COL14A1: variants seen among roughly 807,000 people sequenced by gnomAD.
COL14A1 encodes the protein collagen alpha-1(XIV) chain.
Under a neutral mutation model 230.3 loss-of-function variants are expected in COL14A1, and 136 were observed. The observed-to-expected ratio is 0.59, with a 90% CI of 0.51 to 0.68. The LOEUF (loss-of-function observed/expected upper bound fraction) is 0.68. Among genes scored for constraint, COL14A1 ranks in the 30% least tolerant of loss-of-function variants. The probability of loss-of-function intolerance (pLI) is 0.00; values close to 1 mark genes in which losing one functional copy is unlikely to be tolerated. For missense variants in COL14A1, 1,976 were observed against 2,215.8 expected (o/e 0.89, Z 2.17); for synonymous variants, 792 against 784.1 (o/e 1.01, Z -0.17).
At position 120,162,535 on chromosome 8, in the gene COL14A1, T is replaced by C. The variant is rs771850035; in HGVS notation, c.315T>C (p.Asp105=). ...YTVQIIAYNK[D]KESKPAQGQF... is the part of the protein sequence containing the mutation. ...TTCAAATTATTGCATACAATAAAGATAAAGAAAGCAAGCCAGCTCAAGGCC... is the reference window on the plus strand; with the variant it reads ...TTCAAATTATTGCATACAATAAAGACAAAGAAAGCAAGCCAGCTCAAGGCC... Residue 105 remains aspartate, a synonymous_variant, in exon 4 of 48, where the codon GAT becomes GAC. Transcript: ENST00000297848. 1.2e-6 allele frequency: 2 copies of C among 1,608,690 alleles called. No homozygotes were observed. Among genetic ancestry groups the C allele is most frequent in the Admixed American group, 1.7e-5 (1 of 59,126 alleles).
chr8:120,233,851 G>A (rs577771316), intron 19 of COL14A1, among the ~76,000 whole-genome samples: 1 of 152,150 alleles, frequency 6.6e-6, no homozygotes, highest in East Asian at 1.9e-4. Flanking sequence ...CTAATTCTGC[G>A]AAAAAAGTCA....
intron 1 of COL14A1, among the ~76,000 whole-genome samples, chr8:120,133,643 A>C (rs1814618681): frequency 6.6e-6 from 1 of 152,202 alleles, no homozygotes; most frequent in African/African-American, 2.4e-5. Flanking sequence ...CATTTATATC[A>C]GTATATTTGT....
chr8:120,222,881 T>G (rs975175650), intron 14 of COL14A1, among the ~76,000 whole-genome samples: 2 of 152,152 alleles, frequency 1.3e-5, no homozygotes, highest in African/African-American at 4.8e-5. Flanking sequence ...GTAAATAAAG[T>G]AATTTCAGGT....
chr8:120,180,939 T>G (rs1239486682), intron 5 of COL14A1, among the ~76,000 whole-genome samples: 1 of 152,122 alleles, frequency 6.6e-6, no homozygotes, highest in African/African-American at 2.4e-5. Context: ...ACTCATGACA[T>G]GAAGTGATCC....
At chr8:120,359,626 A>G (rs1255088296) in intron 45 of COL14A1, among the ~76,000 whole-genome samples, 1 of 152,216 alleles carries the variant, frequency 6.6e-6, no homozygotes, top group East Asian at 1.9e-4. Context: ...GAAATAATAT[A>G]ATAGCTCTTA....
At chr8:120,168,965 C>T (rs529011884) in intron 5 of COL14A1, among the ~76,000 whole-genome samples, 1 of 152,102 alleles carries the variant, frequency 6.6e-6, no homozygotes. Flanking sequence ...AAACGATTCT[C>T]CTCCCTCAGC....
At chr8:120,142,245 A>C (rs1452550317) in intron 1 of COL14A1, among the ~76,000 whole-genome samples, 1 of 152,198 alleles carries the variant, frequency 6.6e-6, no homozygotes, top group Non-Finnish European at 1.5e-5. Flanking sequence ...GTGGACAGCT[A>C]TCTGTGTGAC....
At chr8:120,133,982 T>A (rs1814628335) in intron 1 of COL14A1, among the ~76,000 whole-genome samples, 1 of 151,996 alleles carries the variant, frequency 6.6e-6, no homozygotes, top group African/African-American at 2.4e-5. Flanking sequence ...TGTTTAAAAG[T>A]GATTAAGAAA....
chr8:120,327,087 T>C (rs973619143), intron 40 of COL14A1, among the ~76,000 whole-genome samples: 3 of 152,144 alleles, frequency 2.0e-5, no homozygotes, highest in African/African-American at 7.2e-5. Flanking sequence ...TTGTTATTTG[T>C]TCTTGAACCA....
At chr8:120,269,745 C>T (rs1819602927) in intron 25 of COL14A1, among the ~76,000 whole-genome samples, 1 of 151,578 alleles carries the variant, frequency 6.6e-6, no homozygotes, top group Non-Finnish European at 1.5e-5. Flanking sequence ...TTTCCTAGTC[C>T]TTCATTTTCA....
chr8:120,256,666 T>C (rs1021519735), intron 23 of COL14A1, among the ~76,000 whole-genome samples: 1 of 152,182 alleles, frequency 6.6e-6, no homozygotes, highest in Admixed American at 6.6e-5. Flanking sequence ...ATTTATGGGA[T>C]GCCAAAAGTA....
intron 11 of COL14A1, 79 bp from the exon 12 acceptor site, chr8:120,209,677 A>T: frequency 7.1e-7 from 1 of 1,411,334 alleles, no homozygotes; most frequent in Non-Finnish European, 9.6e-7. Flanking sequence ...AATATGGTCA[A>T]TCTTATTTCT....
At chr8:120,287,189 C>A (rs1820229203) in intron 33 of COL14A1, among the ~76,000 whole-genome samples, 1 of 151,538 alleles carries the variant, frequency 6.6e-6, no homozygotes, top group African/African-American at 2.4e-5. Flanking sequence ...TAATTGCATA[C>A]CACATAATTG....
At chr8:120,239,151 A>T (rs1818542497) in intron 19 of COL14A1, among the ~76,000 whole-genome samples, 1 of 152,176 alleles carries the variant, frequency 6.6e-6, no homozygotes, top group South Asian at 2.1e-4. Flanking sequence ...TTTACACTAT[A>T]TCATTCCTTT....
Position 120,226,653 on chromosome 8 carries a change from G to T in COL14A1, c.1891G>T (p.Glu631Ter). 6.2e-7 allele frequency: 1 copy of T among 1,613,222 alleles called. No individual in the cohort carries two copies. Among genetic ancestry groups the T allele is most frequent in the Non-Finnish European group, 8.5e-7 (1 of 1,179,446 alleles). ...GGAAGTTCCAGCCCAGCAATACTTA[G>T]AAATTGATGAGGTGACGACAGACAG... ...TEEVPAQQYL[E>*]IDEVTTDSFR... The change falls in exon 16 of 48, where the codon GAA (glutamate) becomes TAA (stop). Residue 631 changes from glutamate to a stop codon, truncating the protein, a stop_gained. Coordinates refer to ENST00000297848, the MANE Select transcript of COL14A1 (RefSeq NM_021110.4). LOFTEE classifies it high-confidence loss of function.
At chr8:120,151,489 A>C (rs1017211909) in intron 2 of COL14A1, among the ~76,000 whole-genome samples, 1 of 151,828 alleles carries the variant, frequency 6.6e-6, no homozygotes, top group Non-Finnish European at 1.5e-5. Context: ...AAATACAAAA[A>C]ATTAGCTGGG....
At position 120,278,420 on chromosome 8, in the gene COL14A1, C is replaced by A; in HGVS notation, c.3338-15C>A. The A allele has an allele frequency of 1.2e-6, 2 of 1,605,196 alleles. No homozygotes were observed. Among genetic ancestry groups the A allele is most frequent in the Non-Finnish European group, 1.7e-6 (2 of 1,175,594 alleles). On this transcript the variant is annotated splice_polypyrimidine_tract_variant and intron_variant, in intron 27 of 47. Transcript: ENST00000297848. Reference sequence around the variant, plus strand: ...GGAGGGAGTGAAATCAAACTGTTGCCTTTCTTTGTTTCAGGAAAAGCAATT... The same window carrying A: ...GGAGGGAGTGAAATCAAACTGTTGCATTTCTTTGTTTCAGGAAAAGCAATT...
chr8:120,297,434 TA>T, intron 34 of COL14A1, 76 bp from the exon 35 acceptor site: 1 of 710,738 alleles, frequency 1.4e-6, no homozygotes, highest in Non-Finnish European at 2.1e-6. Flanking sequence ...TTCTGTTATA[TA>T]ATACATAACA....
chr8:120,259,959 C>G (rs1026925432), intron 23 of COL14A1, among the ~76,000 whole-genome samples: 5 of 152,148 alleles, frequency 3.3e-5, no homozygotes, highest in Non-Finnish European at 7.4e-5. Flanking sequence ...AAGCGAAACA[C>G]TGAGTTGACT....
Sources: gnomAD v4.1 joint callset for allele counts (sites outside exome capture counted in the v4.1 genomes callset) on GRCh38, gnomAD v4.1.1 for gene constraint, MANE v1.5 for transcripts, NCBI Gene and HGNC (gene_info 2026-07-23, HGNC 2026-07-21) for gene names.